The following TOMM70 variants were observed in gnomAD, a reference collection of about 807,000 sequenced individuals.
TOMM70 encodes the protein translocase of outer mitochondrial membrane 70, also known as mitochondrial import receptor subunit TOM70.
TOMM70 carries 13 observed loss-of-function variants against 73.6 expected under a neutral mutation model. The ratio of observed to expected loss-of-function variants is 0.18; its 90% CI spans 0.11 to 0.28. The LOEUF (loss-of-function observed/expected upper bound fraction) is 0.28, where lower values mean the gene tolerates loss of function less well. Among genes scored for constraint, TOMM70 ranks in the 10% least tolerant of loss-of-function variants. The pLI is 1.00. For missense variants in TOMM70, 609 were observed against 747.5 expected, an observed-to-expected ratio of 0.81 and a Z score of 2.16; for synonymous variants, 257 against 271.2, an observed-to-expected ratio of 0.95 and a Z score of 0.51.
chr3:100,385,048 C>A (rs1706674685), intron 3 of TOMM70, among the ~76,000 whole-genome samples: 1 of 152,258 alleles, frequency 6.6e-6, no homozygotes. Context: ...AAGATGCATG[C>A]AGTGGTTTGA....
chr3:100,381,840 G>T (rs1362764961), intron 4 of TOMM70, 77 bp from the exon 5 acceptor site: 5 of 1,341,828 alleles, frequency 3.7e-6, no homozygotes, highest in Non-Finnish European at 4.0e-6. Context: ...AGAACGCTAA[G>T]AATAACTGTC....
chr3:100,370,177 T>C (rs1706493582), intron 9 of TOMM70, among the ~76,000 whole-genome samples: 2 of 152,200 alleles, frequency 1.3e-5, no homozygotes, highest in Non-Finnish European at 2.9e-5. Flanking sequence ...AGTAGAAATA[T>C]TTTTATAGCT....
At chr3:100,376,844 A>T (rs1258585827) in intron 6 of TOMM70, among the ~76,000 whole-genome samples, 1 of 152,186 alleles carries the variant, frequency 6.6e-6, no homozygotes, top group Non-Finnish European at 1.5e-5. Flanking sequence ...AATACTACAT[A>T]CATATAGAAC....
At chr3:100,378,864 A>G (rs1706596234) in intron 5 of TOMM70, among the ~76,000 whole-genome samples, 1 of 152,100 alleles carries the variant, frequency 6.6e-6, no homozygotes, top group African/African-American at 2.4e-5. Context: ...AAAATTAGTC[A>G]GGCGTGGTGG....
intron 4 of TOMM70, among the ~76,000 whole-genome samples, chr3:100,383,234 G>A (rs923964202): frequency 2.0e-5 from 3 of 152,006 alleles, no homozygotes; most frequent in African/African-American, 7.3e-5. Context: ...GGTTTAAAGA[G>A]AATGGGGCCA....
At chr3:100,396,812 C>A (rs912846833) in intron 1 of TOMM70, among the ~76,000 whole-genome samples, 2 of 152,120 alleles carry the variant, frequency 1.3e-5, no homozygotes, top group African/African-American at 4.8e-5. Context: ...TTCAGTGATA[C>A]CCCAATATTC....
At position 100,400,634 on chromosome 3, in the gene TOMM70, A is replaced by G. The variant is rs1187590986; in HGVS notation, c.316T>C (p.Leu106=). 1.2e-6 allele frequency: 2 copies of G among 1,611,442 alleles called. No homozygotes were observed. Among genetic ancestry groups the G allele is most frequent in the Non-Finnish European group, 1.7e-6 (2 of 1,179,258 alleles). ...SGHPEGPGAH[L]DMNSLDRAQA... ...CTGGGGCTGCTTCTCACCATGTCCAAGTGAGCACCGGGACCTTCAGGGTGT... is the reference window on the plus strand; with the variant it reads ...CTGGGGCTGCTTCTCACCATGTCCAGGTGAGCACCGGGACCTTCAGGGTGT... The change falls in exon 1 of 12, where the codon TTG becomes CTG. Residue 106 remains leucine (L), a synonymous_variant. Transcript: ENST00000284320.
chr3:100,398,001 T>C (rs1405069231), intron 1 of TOMM70, among the ~76,000 whole-genome samples: 1 of 152,002 alleles, frequency 6.6e-6, no homozygotes, highest in Non-Finnish European at 1.5e-5. Context: ...ATCTAAAATG[T>C]GAAAAGGAGA....
chr3:100,378,435 T>G (rs1706590759), intron 5 of TOMM70, among the ~76,000 whole-genome samples: 1 of 152,150 alleles, frequency 6.6e-6, no homozygotes, highest in Non-Finnish European at 1.5e-5. Flanking sequence ...ACGGGGATTT[T>G]CTTGAAACCT....
At chr3:100,393,233 G>C (rs964329546) in intron 1 of TOMM70, among the ~76,000 whole-genome samples, 2 of 150,668 alleles carry the variant, frequency 1.3e-5, no homozygotes, top group African/African-American at 4.9e-5. Flanking sequence ...TAAAAGTGTA[G>C]TATATATACC....
chr3:100,371,351 G>A (rs575129368), intron 9 of TOMM70, among the ~76,000 whole-genome samples: 2 of 134,162 alleles, frequency 1.5e-5, no homozygotes, highest in Admixed American at 8.8e-5. Context: ...TGCAACCTCC[G>A]CCTCCTGGGT....
Position 100,400,854 on chromosome 3 carries a change from G to A in TOMM70, c.96C>T (p.Gly32=), listed in dbSNP as rs1323648882. 1.4e-5 allele frequency: 22 copies of A among 1,524,912 alleles called. No individual in the cohort carries two copies. The highest frequency in any genetic ancestry group is 1.8e-5 in the Non-Finnish European group (21 of 1,143,210). The allele number at this position is 1,524,912 out of a possible 1,614,324, so 94.5% of individuals were successfully genotyped here. A position where few individuals can be genotyped will look rare whatever the true frequency, so the allele number is the denominator to read the frequency against. ...GCTGCCATCGCGGCAGCCCCCCCGT[G>A]CCCGGGCCCGCAGTCCCGCCGCCGC... is the stretch of plus-strand genomic sequence containing the variant. ...GVGGGGTAGP[G]TGGLPRWQLA... The change falls in exon 1 of 12, where the codon GGC becomes GGT. Residue 32 remains glycine, a synonymous_variant. Transcript: ENST00000284320.
chr3:100,400,541 T>C, intron 1 of TOMM70, 85 bp downstream of exon 1: 5 of 1,476,016 alleles, frequency 3.4e-6, no homozygotes, highest in East Asian at 2.5e-5. Flanking sequence ...TTCCGTCTGA[T>C]GGGAAGCCCC....
At chr3:100,398,829 C>T (rs752452150) in intron 1 of TOMM70, among the ~76,000 whole-genome samples, 5 of 152,184 alleles carry the variant, frequency 3.3e-5, no homozygotes, top group Non-Finnish European at 7.3e-5. Flanking sequence ...CTTCTACTAT[C>T]CAGTCATAAA....
At chr3:100,365,848 T>C in intron 11 of TOMM70, 131 bp from the exon 12 acceptor site, 2 of 1,040,524 alleles carry the variant, frequency 1.9e-6, no homozygotes, top group African/African-American at 1.6e-5. Context: ...TTGTAAGTGA[T>C]GCTACATGAA....
chr3:100,394,124 G>C (rs1211145079), intron 1 of TOMM70, among the ~76,000 whole-genome samples: 1 of 152,198 alleles, frequency 6.6e-6, no homozygotes, highest in Non-Finnish European at 1.5e-5. Context: ...ACATTAATCT[G>C]CGTGTGAGAA....
intron 8 of TOMM70, among the ~76,000 whole-genome samples, chr3:100,373,304 A>G (rs992293259): frequency 6.6e-6 from 1 of 152,116 alleles, no homozygotes; most frequent in Non-Finnish European, 1.5e-5. Context: ...AAGCAGGGAG[A>G]CCAGTTCTGT....
intron 11 of TOMM70, among the ~76,000 whole-genome samples, chr3:100,366,732 C>G (rs1706451001): frequency 6.6e-6 from 1 of 152,146 alleles, no homozygotes; most frequent in South Asian, 2.1e-4. Flanking sequence ...TTAACGTGAA[C>G]AAAATTCCAT....
At chr3:100,378,690 T>C (rs1297787074) in intron 5 of TOMM70, among the ~76,000 whole-genome samples, 1 of 152,082 alleles carries the variant, frequency 6.6e-6, no homozygotes, top group Non-Finnish European at 1.5e-5. Context: ...AGGCAAGGGG[T>C]GTGAGCAGAC....
Sources: allele counts gnomAD v4.1 joint callset (sites outside exome capture counted in the v4.1 genomes callset), GRCh38; gene constraint gnomAD v4.1.1; transcripts MANE v1.5; gene names NCBI Gene and HGNC (gene_info 2026-07-23, HGNC 2026-07-21).